Variants in NGEF observed in about 807,000 individuals in gnomAD.
NGEF encodes neuronal guanine nucleotide exchange factor, also known as ephexin-1.
Under a neutral mutation model 80.9 loss-of-function variants are expected in NGEF, and 31 were observed. That is an observed-to-expected ratio of 0.38 (90% confidence interval 0.29 to 0.52). The LOEUF (loss-of-function observed/expected upper bound fraction) is 0.52, where lower values mean the gene tolerates loss of function less well. Among genes scored for constraint, NGEF ranks in the 20% least tolerant of loss-of-function variants. NGEF has a pLI of 0.84. For missense variants in NGEF, 709 were observed against 926.2 expected, an observed-to-expected ratio of 0.77 and a Z score of 3.04; for synonymous variants, 371 against 370.2, an observed-to-expected ratio of 1.00 and a Z score of -0.03.
chr2:233,012,823 C>G (rs1372036628), intron 1 of NGEF: 3 of 470,998 alleles, frequency 6.4e-6, no homozygotes, highest in South Asian at 4.6e-5. Context: ...GGAAGAGCGC[C>G]TGGAAGGAGT....
intron 3 of NGEF, among the ~76,000 whole-genome samples, chr2:232,932,163 CTTTTTTTT>C (rs397988249): frequency 1.4e-4 from 16 of 115,590 alleles, no homozygotes; most frequent in African/African-American, 5.0e-4. Context: ...AATCACCTTT[CTTTTTTTT>C]TTTTTTTTTT....
chr2:232,882,966 G>T (rs373138720), intron 12 of NGEF, among the ~76,000 whole-genome samples: 8 of 152,246 alleles, frequency 5.3e-5, no homozygotes, highest in African/African-American at 1.9e-4. Context: ...GCAGGAGGAT[G>T]GTGGTTCCCT....
intron 5 of NGEF, among the ~76,000 whole-genome samples, chr2:232,898,095 T>C (rs1268438805): frequency 6.6e-6 from 1 of 152,190 alleles, no homozygotes; most frequent in Admixed American, 6.5e-5. Context: ...CAGCTACAGA[T>C]GCTGTTATGA....
Position 232,923,645 on chromosome 2 carries a change from G to C in NGEF, c.527-3060C>G, listed in dbSNP as rs375462027. On this transcript the variant is annotated intron_variant, in intron 4 of 14. Coordinates refer to ENST00000264051, the MANE Select transcript of NGEF (RefSeq NM_019850.3). ...AGCTACTCGGGAGGATGAGGCAGGA[G>C]AATCACTTGAACCCAGGGGGTGGAG... Among the ~76,000 whole-genome samples, 370 of 152,270 alleles carry C rather than the reference G, an allele frequency of 2.4e-3. 1 individual carries two copies. The highest frequency in any genetic ancestry group is 8.2e-3 in the African/African-American group (342 of 41,558).
At position 232,905,670 on chromosome 2, in the gene NGEF, C is replaced by T. The variant is rs566024845; in HGVS notation, c.829-10754G>A. ...CTGGGAAGTGAGGAGCGCCTCTTCCCGGCCGCCATCCCATCTAGGAAGTGA... is the reference window on the plus strand; with the variant it reads ...CTGGGAAGTGAGGAGCGCCTCTTCCTGGCCGCCATCCCATCTAGGAAGTGA... On this transcript the variant is annotated intron_variant, in intron 5 of 14. Transcript: ENST00000264051. 683 of 375,694 alleles carry T rather than the reference C, an allele frequency of 1.8e-3. 3 individuals carry two copies. The highest frequency in any genetic ancestry group is 0.013 in the African/African-American group (604 of 44,932). 23.3% of individuals were successfully genotyped at this position (375,694 alleles called of 1,614,324 possible).
intron 1 of NGEF, among the ~76,000 whole-genome samples, chr2:232,996,523 C>T (rs1694853232): frequency 6.6e-6 from 1 of 152,202 alleles, no homozygotes; most frequent in African/African-American, 2.4e-5. Flanking sequence ...GGATTGGTTC[C>T]AGGACCCCCA....
At chr2:232,889,862 C>G (rs887168216) in intron 8 of NGEF, among the ~76,000 whole-genome samples, 19 of 152,208 alleles carry the variant, frequency 1.2e-4, no homozygotes, top group African/African-American at 3.9e-4. Context: ...TCTTTGGCCT[C>G]TCACCTGTCT....
chr2:232,899,312 C>G (rs548600760), intron 5 of NGEF, among the ~76,000 whole-genome samples: 33 of 152,248 alleles, frequency 2.2e-4, no homozygotes, highest in African/African-American at 7.9e-4. Flanking sequence ...ACCCGGCTGT[C>G]TGAATCTCTG....
At chr2:232,952,634 G>C (rs921688514) in intron 3 of NGEF, among the ~76,000 whole-genome samples, 1 of 152,024 alleles carries the variant, frequency 6.6e-6, no homozygotes, top group African/African-American at 2.4e-5. Context: ...TATTTTGGGG[G>C]TATCTATTTT....
At chr2:232,957,753 T>C (rs994660318) in intron 3 of NGEF, among the ~76,000 whole-genome samples, 1 of 152,260 alleles carries the variant, frequency 6.6e-6, no homozygotes, top group Non-Finnish European at 1.5e-5. Context: ...TGTGGGCCTC[T>C]GCCCAGGAGG....
intron 3 of NGEF, among the ~76,000 whole-genome samples, chr2:232,937,968 G>A (rs1484103228): frequency 1.3e-5 from 2 of 152,128 alleles, no homozygotes; most frequent in African/African-American, 4.8e-5. Flanking sequence ...TGTTCTTTTG[G>A]GATGTGTTGC....
chr2:232,930,359 G>T (rs1693193713), intron 3 of NGEF, among the ~76,000 whole-genome samples: 1 of 149,150 alleles, frequency 6.7e-6, no homozygotes, highest in African/African-American at 2.5e-5. Flanking sequence ...TCGCTCTGTT[G>T]CCCAGGCTGG....
intron 1 of NGEF, among the ~76,000 whole-genome samples, chr2:232,977,238 C>T (rs1694314004): frequency 6.6e-6 from 1 of 152,136 alleles, no homozygotes; most frequent in Admixed American, 6.5e-5. Flanking sequence ...ACCTGATCCA[C>T]CAGAAAAGTG....
intron 5 of NGEF, among the ~76,000 whole-genome samples, 191 bp downstream of exon 5, chr2:232,920,093 G>T (rs1692905355): frequency 6.6e-6 from 1 of 152,210 alleles, no homozygotes; most frequent in Non-Finnish European, 1.5e-5. Context: ...TGTCCTAGAA[G>T]GTAGCTGGGT....
chr2:232,944,502 T>A, intron 3 of NGEF, among the ~76,000 whole-genome samples: 1 of 151,966 alleles, frequency 6.6e-6, no homozygotes, highest in Non-Finnish European at 1.5e-5. Context: ...ATGAAGAAGG[T>A]GTCCTGGGAC....
intron 3 of NGEF, among the ~76,000 whole-genome samples, chr2:232,937,787 T>C (rs1693357405): frequency 6.6e-6 from 1 of 152,186 alleles, no homozygotes; most frequent in South Asian, 2.1e-4. Context: ...CTTGTGTGTC[T>C]TGGGTCAATG....
At chr2:232,895,303 G>C (rs1242159691) in intron 5 of NGEF, among the ~76,000 whole-genome samples, 2 of 152,128 alleles carry the variant, frequency 1.3e-5, no homozygotes, top group East Asian at 3.9e-4. Flanking sequence ...GAGGCGGGCA[G>C]ATCACTTGAG....
At chr2:233,005,920 G>A (rs181139158) in intron 1 of NGEF, among the ~76,000 whole-genome samples, 21 of 152,248 alleles carry the variant, frequency 1.4e-4, no homozygotes, top group African/African-American at 2.6e-4. Context: ...GGGTTCAAGC[G>A]ATTCTCCTGC....
At chr2:232,953,520 G>A (rs1394478301) in intron 3 of NGEF, among the ~76,000 whole-genome samples, 13 of 139,758 alleles carry the variant, frequency 9.3e-5, no homozygotes, top group African/African-American at 3.3e-4. Flanking sequence ...AAAAAAAAAA[G>A]AAAAAGTTTA....
Sources: gnomAD v4.1 joint callset for allele counts (sites outside exome capture counted in the v4.1 genomes callset) on GRCh38, gnomAD v4.1.1 for gene constraint, MANE v1.5 for transcripts, NCBI Gene and HGNC (gene_info 2026-07-23, HGNC 2026-07-21) for gene names.